Variants in ITPR2 observed in about 807,000 individuals in gnomAD.
ITPR2 encodes inositol 1,4,5-trisphosphate-gated calcium channel ITPR2.
ITPR2 carries 207 observed loss-of-function variants against 317.1 expected under a neutral mutation model. The observed-to-expected ratio is 0.65, with a 90% CI of 0.58 to 0.73. ITPR2 has a LOEUF of 0.73. Among genes scored for constraint, ITPR2 ranks in the 30% least tolerant of loss-of-function variants. The pLI, the probability that ITPR2 is intolerant of heterozygous loss-of-function variation, is 0.00. For missense variants in ITPR2, 2,613 were observed against 3,284.0 expected (o/e 0.80, Z 4.99); for synonymous variants, 1,156 against 1,149.1 (o/e 1.01, Z -0.12).
intron 45 of ITPR2, among the ~76,000 whole-genome samples, chr12:26,470,261 A>C (rs759867136): frequency 2.0e-5 from 3 of 152,210 alleles, no homozygotes; most frequent in Admixed American, 6.5e-5. Flanking sequence ...TTTTCTTCTT[A>C]TTATTTTTGC....
intron 22 of ITPR2, among the ~76,000 whole-genome samples, chr12:26,629,692 C>T (rs940037877): frequency 6.6e-6 from 1 of 152,110 alleles, no homozygotes; most frequent in African/African-American, 2.4e-5. Context: ...TCCTCCCTCC[C>T]TCCCTTTCTC....
At chr12:26,593,312 C>T (rs1188216861) in intron 32 of ITPR2, among the ~76,000 whole-genome samples, 2 of 152,310 alleles carry the variant, frequency 1.3e-5, no homozygotes, top group East Asian at 3.9e-4. Context: ...CCAGCTAGGC[C>T]TGATGCTCAC....
intron 2 of ITPR2, among the ~76,000 whole-genome samples, chr12:26,788,920 G>C (rs728008): frequency 0.23 from 35,138 of 151,974 alleles, 4,381 homozygotes; most frequent in Non-Finnish European, 0.28. Flanking sequence ...CTTATCTTTT[G>C]GGTCATTTCA....
chr12:26,792,440 C>T lies in ITPR2; in HGVS notation c.93-2213G>A, dbSNP rs567807866. On this transcript the variant is annotated intron_variant, in intron 1 of 56. Coordinates refer to ENST00000381340, the MANE Select transcript of ITPR2 (RefSeq NM_002223.4). ...ATCCTGGAACAACTTCTACAATATCCCCAACAACCTCTTCTTGAATACTTC... is the reference window on the plus strand; with the variant it reads ...ATCCTGGAACAACTTCTACAATATCTCCAACAACCTCTTCTTGAATACTTC... Among the ~76,000 whole-genome samples the T allele has an allele frequency of 1.5e-3, 220 of 151,690 alleles. 3 individuals are homozygous for T. Among genetic ancestry groups the T allele is most frequent in the African/African-American group, 8.7e-4 (36 of 41,390 alleles).
At chr12:26,565,878 A>G (rs1347656797) in intron 34 of ITPR2, among the ~76,000 whole-genome samples, 17 of 33,142 alleles carry the variant, frequency 5.1e-4, no homozygotes, top group East Asian at 1.1e-3. Context: ...GGAGGAGAGG[A>G]GAGGGGAGGG....
At chr12:26,668,845 G>C (rs1008137262) in intron 13 of ITPR2, among the ~76,000 whole-genome samples, 2 of 152,126 alleles carry the variant, frequency 1.3e-5, no homozygotes, top group African/African-American at 4.8e-5. Context: ...TATAGGCTGA[G>C]CACAGTGGCT....
intron 45 of ITPR2, among the ~76,000 whole-genome samples, chr12:26,446,059 G>A (rs1362373929): frequency 6.6e-6 from 1 of 152,058 alleles, no homozygotes; most frequent in Non-Finnish European, 1.5e-5. Flanking sequence ...TTGTGATGAT[G>A]GGAACACTGA....
intron 45 of ITPR2, among the ~76,000 whole-genome samples, chr12:26,474,203 A>G (rs1278169006): frequency 6.6e-6 from 1 of 152,232 alleles, no homozygotes; most frequent in Non-Finnish European, 1.5e-5. Flanking sequence ...ATCAATGTTT[A>G]TTCAATCAAC....
chr12:26,710,049 C>T (rs1381180540), intron 9 of ITPR2, among the ~76,000 whole-genome samples: 1 of 152,166 alleles, frequency 6.6e-6, no homozygotes, highest in Non-Finnish European at 1.5e-5. Context: ...GCCTGGCCAA[C>T]ATGGCAAAAC....
In ITPR2 at chr12:26,681,976, A is replaced by G; in HGVS notation, c.1307T>C (p.Leu436Pro). ...AAAGTCTAAGTCTCGAACTTCAGAC[A>G]GTGGAACAGACACGATTGCGAACGC... is the stretch of plus-strand genomic sequence containing the variant. The part of the protein sequence containing the change: ...KEAFAIVSVP[L>P]SEVRDLDFAN... Residue 436 changes from leucine to proline, a missense_variant, in exon 13 of 57, where the codon CTG (leucine) becomes CCG (proline). Physicochemically the swap from Leu to Pro is moderately conservative, Grantham distance 98. This residue lies in a region of ITPR2 where 515 missense variants were observed against 789.4 expected (regional missense o/e 0.65). Coordinates refer to ENST00000381340, the MANE Select transcript of ITPR2 (RefSeq NM_002223.4). 6.2e-7 allele frequency: 1 copy of G among 1,613,868 alleles called. No homozygotes were observed. Among genetic ancestry groups the G allele is most frequent in the Non-Finnish European group, 8.5e-7 (1 of 1,179,760 alleles).
At chr12:26,405,512 T>C (rs1350277490) in intron 52 of ITPR2, among the ~76,000 whole-genome samples, 2 of 151,914 alleles carry the variant, frequency 1.3e-5, no homozygotes, top group Admixed American at 6.5e-5. Context: ...AGGGAAGGAA[T>C]ACAAACATAT....
chr12:26,483,946 G>T, intron 41 of ITPR2, 48 bp from the exon 42 acceptor site: 2 of 1,492,924 alleles, frequency 1.3e-6, no homozygotes, highest in Non-Finnish European at 1.9e-6. Context: ...AATTCACTGT[G>T]CTGATTGTTT....
rs551810115 is a variant in ITPR2, at chr12:26,607,055, C to T, written c.3463-4349G>A. 4.5e-4 allele frequency among the ~76,000 whole-genome samples: 68 copies of T among 152,338 alleles called. 2 individuals are homozygous for T. In the South Asian group the frequency reaches 9.7e-3, roughly 22 times the overall value. ...TACAATGTAGAGCTGCCTACATCTG[C>T]AGCTGCATGATTAAAATAACTTGGT... On this transcript the variant is annotated intron_variant, in intron 26 of 56. Coordinates refer to ENST00000381340, the MANE Select transcript of ITPR2 (RefSeq NM_002223.4).
chr12:26,584,142 CTA>C (rs1945463915), intron 32 of ITPR2, among the ~76,000 whole-genome samples: 2 of 151,978 alleles, frequency 1.3e-5, no homozygotes, highest in Admixed American at 6.6e-5. Flanking sequence ...AAATAACAGA[CTA>C]GAGAAAAATA....
chr12:26,485,993 T>C (rs891942532), intron 41 of ITPR2, 111 bp downstream of exon 41: 3 of 1,177,292 alleles, frequency 2.5e-6, no homozygotes, highest in African/African-American at 1.5e-5. Flanking sequence ...ATTGCTTTTA[T>C]TGATTATCTT....
intron 13 of ITPR2, among the ~76,000 whole-genome samples, chr12:26,672,359 T>C (rs1183176919): frequency 6.6e-6 from 1 of 152,078 alleles, no homozygotes; most frequent in African/African-American, 2.4e-5. Context: ...TCTCTCAGAC[T>C]ACAGTGCAAT....
chr12:26,545,606 C>T (rs1377008854), intron 37 of ITPR2, among the ~76,000 whole-genome samples: 2 of 152,186 alleles, frequency 1.3e-5, no homozygotes, highest in East Asian at 1.9e-4. Context: ...TGGTTTTACA[C>T]ACCACAAAGT....
At chr12:26,550,456 A>G in intron 36 of ITPR2, 101 bp from the exon 37 acceptor site, 1 of 637,026 alleles carries the variant, frequency 1.6e-6, no homozygotes, top group Non-Finnish European at 2.7e-6. Context: ...CAATTATTTG[A>G]GAATATGAAG....
chr12:26,475,239 A>G, intron 45 of ITPR2, 57 bp downstream of exon 45: 1 of 1,594,996 alleles, frequency 6.3e-7, no homozygotes, highest in Admixed American at 1.7e-5. Context: ...CAAGCCATGG[A>G]TACAAAACAC....
Sources: allele counts gnomAD v4.1 joint callset (sites outside exome capture counted in the v4.1 genomes callset), GRCh38; gene constraint gnomAD v4.1.1; regional missense constraint gnomAD v4.1.1; transcripts MANE v1.5; gene names NCBI Gene and HGNC (gene_info 2026-07-23, HGNC 2026-07-21).